BCR: variants seen among roughly 807,000 people sequenced by gnomAD.
BCR encodes the protein BCR activator of RhoGEF and GTPase.
A neutral mutation model predicts 138.6 loss-of-function variants in BCR; 58 were observed. That is an observed-to-expected ratio of 0.42 (90% CI 0.34 to 0.52). The LOEUF is 0.52. Among genes scored for constraint, BCR ranks in the 20% least tolerant of loss-of-function variants. The pLI, the probability that BCR is intolerant of heterozygous loss-of-function variation, is 0.06. For synonymous variants in BCR, 786 were observed against 730.1 expected, an observed-to-expected ratio of 1.08 and a Z score of -1.23; for missense variants, 1,599 against 1,727.2, an observed-to-expected ratio of 0.93 and a Z score of 1.32.
At chr22:23,276,157 T>TG (rs879923886) in intron 8 of BCR, among the ~76,000 whole-genome samples, 1 of 152,064 alleles carries the variant, frequency 6.6e-6, no homozygotes, top group Admixed American at 6.5e-5. Flanking sequence ...CCTAGTACTT[T>TG]GGGAGGCCGA....
intron 1 of BCR, among the ~76,000 whole-genome samples, chr22:23,213,928 T>G (rs1471759205): frequency 1.3e-5 from 2 of 152,062 alleles, no homozygotes; most frequent in South Asian, 4.1e-4. Flanking sequence ...CTTTGAATTA[T>G]GTTGAAATTT....
chr22:23,317,375 G>C lies in BCR; in HGVS notation c.*1853G>C, dbSNP rs928723838. On this transcript the variant is annotated 3_prime_UTR_variant, in exon 23 of 23. Coordinates refer to ENST00000305877, the MANE Select transcript of BCR (RefSeq NM_004327.4). ...GACAGAACAGGAGCCTCTGCTCTCT[G>C]TACCTATCTGGGCCCGGTGGGCTCC... The C allele has an allele frequency of 1.1e-5, 2 of 185,938 alleles. No homozygotes were observed. The highest frequency in any genetic ancestry group is 9.6e-5 in the East Asian group (1 of 10,398). 11.5% of individuals were successfully genotyped at this position (185,938 alleles called of 1,614,324 possible).
chr22:23,261,070 G>C lies in BCR; in HGVS notation c.1566+16G>C. ...ACTGCTGCTGGTGAGGAGGATTTAG[G>C]GAGCTGAGCAGGGCGGGATGGGGCA... On this transcript the variant is annotated intron_variant, in intron 3 of 22. Coordinates refer to ENST00000305877, the MANE Select transcript of BCR (RefSeq NM_004327.4). The C allele has an allele frequency of 2.5e-6, 4 of 1,611,060 alleles. No homozygotes were observed. The highest frequency in any genetic ancestry group is 3.4e-6 in the Non-Finnish European group (4 of 1,178,080).
chr22:23,203,260 A>G (rs933535547), intron 1 of BCR, among the ~76,000 whole-genome samples: 3 of 152,166 alleles, frequency 2.0e-5, no homozygotes, highest in Non-Finnish European at 4.4e-5. Flanking sequence ...AAGACCCTTG[A>G]TGGCTGCTGC....
At chr22:23,296,373 CAAAAAAAAAAAA>C (rs996139532) in intron 16 of BCR, among the ~76,000 whole-genome samples, 4 of 56,696 alleles carry the variant, frequency 7.1e-5, no homozygotes, top group African/African-American at 1.3e-4. Context: ...GAGTCCGTCT[CAAAAAAAAAAAA>C]AAAAAAAAAA....
intron 12 of BCR, among the ~76,000 whole-genome samples, chr22:23,288,530 C>T (rs1466161836): frequency 6.6e-6 from 1 of 152,116 alleles, no homozygotes; most frequent in African/African-American, 2.4e-5. Flanking sequence ...CGGCCTGCCC[C>T]CTAGTCCTTT....
In BCR at chr22:23,181,641, C is replaced by CA. The variant is rs1459239620; in HGVS notation, c.682dup (p.Arg228LysfsTer40). On this transcript the variant is annotated frameshift_variant, in exon 1 of 23. Transcript: ENST00000305877. LOFTEE classifies it high-confidence loss of function. ...CGGGCTCGAGCGTGGGGGATGCATCCAGGCCCCCTTACCGGGGACGCTCCT... is the reference window on the plus strand; with the variant it reads ...CGGGCTCGAGCGTGGGGGATGCATCCAAGGCCCCCTTACCGGGGACGCTCCT... The CA allele has an allele frequency of 6.2e-7, 1 of 1,610,186 alleles. No individual in the cohort carries two copies.
At chr22:23,182,417 G>C (rs1432878175) in intron 1 of BCR, among the ~76,000 whole-genome samples, 178 bp downstream of exon 1, 1 of 152,254 alleles carries the variant, frequency 6.6e-6, no homozygotes, top group African/African-American at 2.4e-5. Flanking sequence ...CCTCCTTCCT[G>C]AATGCATACT....
At chr22:23,298,350 G>A (rs185669069) in intron 16 of BCR, among the ~76,000 whole-genome samples, 2 of 152,268 alleles carry the variant, frequency 1.3e-5, no homozygotes, top group Admixed American at 6.5e-5. Flanking sequence ...CAGGATTCTT[G>A]CAAAATTTGG....
At chr22:23,270,223 G>A (rs900673895) in intron 5 of BCR, among the ~76,000 whole-genome samples, 2 of 152,154 alleles carry the variant, frequency 1.3e-5, no homozygotes, top group Non-Finnish European at 2.9e-5. Context: ...AGTAGTGTCC[G>A]TCTTCTCCTG....
chr22:23,202,304 A>G (rs1049591942), intron 1 of BCR, among the ~76,000 whole-genome samples: 3 of 152,168 alleles, frequency 2.0e-5, no homozygotes, highest in African/African-American at 2.4e-5. Context: ...CTTTTTAAAA[A>G]TTATGGTGAA....
At chr22:23,263,241 CACATGTGCTCCTACCTCG>C (rs1439425250) in intron 4 of BCR, 1 of 1,036,048 alleles carries the variant, frequency 9.7e-7, no homozygotes, top group Non-Finnish European at 1.4e-6. Context: ...GCTGCTGCTG[CACATGTGCTCCTACCTCG>C]ACATGCGGGC....
At chr22:23,261,328 T>C in intron 3 of BCR, 27 bp from the exon 4 acceptor site, 1 of 1,603,282 alleles carries the variant, frequency 6.2e-7, no homozygotes, top group Non-Finnish European at 8.5e-7. Flanking sequence ...CTCTCACCTG[T>C]GCTACCTCAC....
At chr22:23,222,295 G>A (rs770554353) in intron 1 of BCR, among the ~76,000 whole-genome samples, 17 of 152,186 alleles carry the variant, frequency 1.1e-4, no homozygotes, top group Non-Finnish European at 2.2e-4. Flanking sequence ...TGCCTGGCGC[G>A]TCTTGGGCCC....
chr22:23,194,462 G>A (rs1157620048), intron 1 of BCR, among the ~76,000 whole-genome samples: 2 of 151,162 alleles, frequency 1.3e-5, no homozygotes, highest in African/African-American at 4.9e-5. Context: ...CCAGGCTGGA[G>A]TGCAGTGGAG....
intron 4 of BCR, chr22:23,262,994 G>T: frequency 2.3e-6 from 2 of 884,574 alleles, no homozygotes; most frequent in Non-Finnish European, 3.1e-6. Flanking sequence ...GGAGCGTAGG[G>T]GCCGGGAAAG....
At chr22:23,255,367 C>T (rs1025400080) in intron 2 of BCR, among the ~76,000 whole-genome samples, 11 of 152,124 alleles carry the variant, frequency 7.2e-5, no homozygotes, top group African/African-American at 2.7e-4. Context: ...GGCCGAGGTT[C>T]AGAGAGGTGA....
chr22:23,213,436 G>A (rs1011314848), intron 1 of BCR, among the ~76,000 whole-genome samples: 5 of 152,334 alleles, frequency 3.3e-5, no homozygotes, highest in Non-Finnish European at 4.4e-5. Flanking sequence ...CCGGAGGGAC[G>A]CTGAGCCAGG....
intron 1 of BCR, 88 bp downstream of exon 1, chr22:23,182,327 GGGA>G: frequency 7.2e-7 from 1 of 1,386,778 alleles, no homozygotes; most frequent in Admixed American, 2.6e-5. Flanking sequence ...GAAGTTGGGA[GGGA>G]GGAGTGGATA....
Sources: gnomAD v4.1 joint callset for allele counts (sites outside exome capture counted in the v4.1 genomes callset) on GRCh38, gnomAD v4.1.1 for gene constraint, MANE v1.5 for transcripts, NCBI Gene and HGNC (gene_info 2026-07-23, HGNC 2026-07-21) for gene names.